Variants in MYO18A observed in about 807,000 individuals in gnomAD.
MYO18A encodes the protein unconventional myosin-XVIIIa.
Under a neutral mutation model 235.8 loss-of-function variants are expected in MYO18A, and 78 were observed. That is an observed-to-expected ratio of 0.33 (90% CI 0.28 to 0.40). The LOEUF (loss-of-function observed/expected upper bound fraction) is 0.40. Among genes scored for constraint, MYO18A ranks in the 10% least tolerant of loss-of-function variants. The pLI is 1.00. For missense variants in MYO18A, 2,215 were observed against 2,699.3 expected, an observed-to-expected ratio of 0.82 and a Z score of 3.98; for synonymous variants, 977 against 1,077.8, an observed-to-expected ratio of 0.91 and a Z score of 1.83.
At chr17:29,151,935 G>A (rs1249778730) in intron 2 of MYO18A, among the ~76,000 whole-genome samples, 2 of 152,174 alleles carry the variant, frequency 1.3e-5, no homozygotes, top group African/African-American at 4.8e-5. Flanking sequence ...AAGCAAAGGA[G>A]GAGTAGGAAG....
rs1395303181 is a variant in MYO18A, at chr17:29,158,090, T to C, written c.999+7852A>G. On this transcript the variant is annotated intron_variant, in intron 2 of 41. Coordinates refer to ENST00000527372, the MANE Select transcript of MYO18A (RefSeq NM_078471.4). The surrounding 1 kb of genome is among the most constrained non-coding windows in gnomAD (Gnocchi z 4.3). ...ATTATAGACGTGAGCCACTGTGCCCTGCCTTGGCTGAGTCTTACCCAGATC... is the reference window on the plus strand; with the variant it reads ...ATTATAGACGTGAGCCACTGTGCCCCGCCTTGGCTGAGTCTTACCCAGATC... Among the ~76,000 whole-genome samples the C allele has an allele frequency of 6.6e-6, 1 of 152,162 alleles. No individual in the cohort carries two copies. The highest frequency in any genetic ancestry group is 1.5e-5 in the Non-Finnish European group (1 of 68,028).
At chr17:29,177,056 C>T (rs1421525662) in intron 1 of MYO18A, among the ~76,000 whole-genome samples, 1 of 152,226 alleles carries the variant, frequency 6.6e-6, no homozygotes, top group Admixed American at 6.5e-5. Flanking sequence ...CTAACATCCC[C>T]TTCCGTGTGA....
In MYO18A at chr17:29,115,065, T is replaced by C. The variant is rs748958172; in HGVS notation, c.2353A>G (p.Met785Val). 1.2e-6 allele frequency: 2 copies of C among 1,613,898 alleles called. No homozygotes were observed. The highest frequency in any genetic ancestry group is 1.7e-6 in the Non-Finnish European group (2 of 1,179,840). ...LKSSQHSLCS[M>V]MIVDTPGFQN... ...AAGCCCGGGGTGTCGACAATCATCATGGAGCAGAGTGAGTGCTGGCTGGAC... is the reference window on the plus strand; with the variant it reads ...AAGCCCGGGGTGTCGACAATCATCACGGAGCAGAGTGAGTGCTGGCTGGAC... The change falls in exon 14 of 42, where the codon ATG (methionine) becomes GTG (valine). Residue 785 changes from methionine (M) to valine (V), a missense_variant. Met to Val is a conservative substitution (Grantham distance 21). Transcript: ENST00000527372.
intron 1 of MYO18A, among the ~76,000 whole-genome samples, chr17:29,179,243 G>A (rs2068596063): frequency 6.6e-6 from 1 of 152,036 alleles, no homozygotes; most frequent in Non-Finnish European, 1.5e-5. Context: ...AAAACAAACT[G>A]GCTGTCTTCC....
In MYO18A at chr17:29,166,314, G is replaced by GGGGGGC. The variant is rs748661393; in HGVS notation, c.621_626dup (p.Pro208_Pro209dup). Reference sequence around the variant, plus strand: ...GGGTAGGTGGGGGCAGGGGCACCACGGGGGGCAGGCGCAGGTCGACTGGGA... The same window carrying GGGGGGC: ...GGGTAGGTGGGGGCAGGGGCACCACGGGGGGCGGGGGCAGGCGCAGGTCGACTGGGA... On this transcript the variant is annotated inframe_insertion, in exon 2 of 42. Coordinates refer to ENST00000527372, the MANE Select transcript of MYO18A (RefSeq NM_078471.4). The GGGGGGC allele has an allele frequency of 1.2e-6, 2 of 1,612,242 alleles. No homozygotes were observed. The highest frequency in any genetic ancestry group is 2.7e-5 in the African/African-American group (2 of 74,938).
At chr17:29,147,128 C>T (rs1237444209) in intron 2 of MYO18A, among the ~76,000 whole-genome samples, 1 of 152,188 alleles carries the variant, frequency 6.6e-6, no homozygotes, top group African/African-American at 2.4e-5. Context: ...GATTCCAGAG[C>T]CCAGCTCCTT....
chr17:29,089,605 C>T (rs2066346129), intron 37 of MYO18A, among the ~76,000 whole-genome samples: 1 of 152,026 alleles, frequency 6.6e-6, no homozygotes, highest in South Asian at 2.1e-4. Context: ...TTCCAGCCTG[C>T]GCAGAAGTGG....
intron 1 of MYO18A, among the ~76,000 whole-genome samples, chr17:29,174,613 G>C (rs1478197443): frequency 6.6e-6 from 1 of 152,134 alleles, no homozygotes; most frequent in East Asian, 1.9e-4. Context: ...TCAGAAGTTC[G>C]AGACTAGCCT....
chr17:29,177,670 C>T (rs2068563722), intron 1 of MYO18A, among the ~76,000 whole-genome samples: 1 of 152,200 alleles, frequency 6.6e-6, no homozygotes, highest in Non-Finnish European at 1.5e-5. Context: ...AATCCCAAGT[C>T]CTGTGGGAAC....
Position 29,097,224 on chromosome 17 carries a change from C to T in MYO18A, c.4229G>A (p.Arg1410Gln), listed in dbSNP as rs752609806. 8.1e-6 allele frequency: 13 copies of T among 1,608,612 alleles called. No homozygotes were observed. Among genetic ancestry groups the T allele is most frequent in the South Asian group, 6.6e-5 (6 of 91,012 alleles). The change falls in exon 27 of 42, where the codon CGG (arginine) becomes CAG (glutamine). Residue 1410 changes from arginine (R) to glutamine (Q), a missense_variant and splice_region_variant. Coordinates refer to ENST00000527372, the MANE Select transcript of MYO18A (RefSeq NM_078471.4). ...GCCTCAGCTCCTCCCCAGCCTCACC[C>T]GCCGTTCCAGCTGCCTCTTGTTCTG... ...EQQNKRQLER[R>Q]LGDLQADSEE... is the part of the protein sequence containing the mutation.
chr17:29,100,498 G>A (rs1339845915), intron 21 of MYO18A, among the ~76,000 whole-genome samples: 4 of 152,226 alleles, frequency 2.6e-5, no homozygotes, highest in Admixed American at 1.3e-4. Flanking sequence ...TGGAGGGCAG[G>A]CATGTGCAGA....
At chr17:29,154,764 G>A (rs988958254) in intron 2 of MYO18A, among the ~76,000 whole-genome samples, 6 of 152,246 alleles carry the variant, frequency 3.9e-5, no homozygotes, top group African/African-American at 1.4e-4. Flanking sequence ...CCCACAGCCT[G>A]GACAGCTCTG....
At chr17:29,137,170 T>C (rs1027907576) in intron 2 of MYO18A, 2 of 152,238 alleles carry the variant, frequency 1.3e-5, no homozygotes, top group Non-Finnish European at 2.9e-5. Flanking sequence ...AGAATGTATC[T>C]TGGGGAGCTG....
Position 29,092,820 on chromosome 17 carries a change from T to C in MYO18A, c.5073+35A>G, listed in dbSNP as rs150169487. ...AAGAGAATGGAAAGGTAAGCTCTGT[T>C]GTGCCTGGATCAGCCGTGTGCTCTC... On this transcript the variant is annotated intron_variant, in intron 33 of 41. Coordinates refer to ENST00000527372, the MANE Select transcript of MYO18A (RefSeq NM_078471.4). The C allele has an allele frequency of 1.9e-5, 30 of 1,610,946 alleles. No individual in the cohort carries two copies. The East Asian group carries it at 6.7e-4, about 36-fold the overall frequency.
At chr17:29,128,545 C>T in intron 2 of MYO18A, 3 of 1,245,582 alleles carry the variant, frequency 2.4e-6, no homozygotes, top group Non-Finnish European at 3.1e-6. Flanking sequence ...TGCCCTCTAG[C>T]TACAGTCATA....
chr17:29,130,533 T>G (rs1490391394), intron 2 of MYO18A, among the ~76,000 whole-genome samples: 4 of 141,350 alleles, frequency 2.8e-5, no homozygotes, highest in African/African-American at 1.1e-4. Context: ...CACACAACCC[T>G]TTCAAATCAC....
intron 2 of MYO18A, among the ~76,000 whole-genome samples, chr17:29,130,474 CCACACACACACA>C (rs71135871): frequency 0.02 from 2,914 of 142,204 alleles, 112 homozygotes; most frequent in African/African-American, 0.061. Flanking sequence ...GAGGCCTCTC[CCACACACACACA>C]CACACACACA....
chr17:29,108,552 G>A (rs748994191), intron 19 of MYO18A, among the ~76,000 whole-genome samples: 1 of 152,226 alleles, frequency 6.6e-6, no homozygotes, highest in Non-Finnish European at 1.5e-5. Flanking sequence ...GCTGCTGCTG[G>A]GGGCAGAACT....
chr17:29,118,518 A>T lies in MYO18A; in HGVS notation c.1830-78T>A, dbSNP rs2067126791. On this transcript the variant is annotated intron_variant, in intron 8 of 41. Coordinates refer to ENST00000527372, the MANE Select transcript of MYO18A (RefSeq NM_078471.4). This position sits in a 1 kb window ranked among gnomAD's most constrained non-coding sequence, Gnocchi z 4.2. ...ATTTCCGCCCAGGGTGGAGACAGAC[A>T]GACTCAGCTTCCAGACTCCAAGTTT... 2 of 1,339,710 alleles carry T rather than the reference A, an allele frequency of 1.5e-6. No individual in the cohort carries two copies. Among genetic ancestry groups the T allele is most frequent in the Admixed American group, 2.0e-5 (1 of 49,574 alleles). 83.0% of individuals were successfully genotyped at this position (1,339,710 alleles called of 1,614,324 possible).
Sources: gnomAD v4.1 joint callset for allele counts (sites outside exome capture counted in the v4.1 genomes callset) on GRCh38, gnomAD v4.1.1 for gene constraint, Gnocchi (gnomAD v3.1) non-coding constraint, MANE v1.5 for transcripts, NCBI Gene and HGNC (gene_info 2026-07-23, HGNC 2026-07-21) for gene names.